TRHDE: variants seen among roughly 807,000 people sequenced by gnomAD.
TRHDE encodes the protein thyrotropin releasing hormone degrading enzyme.
TRHDE carries 72 observed loss-of-function variants against 125.7 expected under a neutral mutation model. That is an observed-to-expected ratio of 0.57 (90% CI 0.47 to 0.70). TRHDE has a LOEUF of 0.70. TRHDE is among the 30% of genes least tolerant of loss of function. TRHDE has a pLI of 0.00. For missense variants in TRHDE, 1,110 were observed against 1,327.1 expected (o/e 0.84, Z 2.54); for synonymous variants, 509 against 509.1 (o/e 1.00, Z 0.00).
chr12:72,130,970 C>A (rs1344912847), intron 2 of TRHDE, among the ~76,000 whole-genome samples: 1 of 151,408 alleles, frequency 6.6e-6, no homozygotes, highest in Non-Finnish European at 1.5e-5. Context: ...GAATTTAGGT[C>A]TTTTTCTACA....
Position 72,181,493 on chromosome 12 carries a change from A to T in TRHDE, n.279+75741A>T, listed in dbSNP as rs938489995. Reference sequence around the variant, plus strand: ...CTCACTTTTCTCTTTATAAATTACAAAGTTGCAAGCAACAATAATTTAAAT... The same window carrying T: ...CTCACTTTTCTCTTTATAAATTACATAGTTGCAAGCAACAATAATTTAAAT... On this transcript the variant is annotated intron_variant and non_coding_transcript_variant, in intron 2 of 4. Transcript: ENST00000548156. 3.7e-4 allele frequency among the ~76,000 whole-genome samples: 56 copies of T among 152,234 alleles called. 1 individual carries two copies. The highest frequency in any genetic ancestry group is 1.2e-3 in the African/African-American group (50 of 41,454).
At chr12:72,442,000 C>T (rs1178901245) in intron 3 of TRHDE, among the ~76,000 whole-genome samples, 1 of 151,736 alleles carries the variant, frequency 6.6e-6, no homozygotes, top group Non-Finnish European at 1.5e-5. Context: ...TTAACTGAAG[C>T]TACAAGTCTC....
At chr12:72,106,368 T>G (rs1477612402) in intron 2 of TRHDE, among the ~76,000 whole-genome samples, 1 of 151,962 alleles carries the variant, frequency 6.6e-6, no homozygotes, top group Non-Finnish European at 1.5e-5. Flanking sequence ...TGATTTTAGT[T>G]AAAGAAAAAG....
intron 2 of TRHDE, among the ~76,000 whole-genome samples, chr12:72,248,451 ATTCATATGTGTT>A (rs1012106764): frequency 2.7e-5 from 4 of 146,610 alleles, no homozygotes; most frequent in Non-Finnish European, 6.0e-5. Flanking sequence ...CGAAGTGCTT[ATTCATATGTGTT>A]TTCACATACA....
chr12:72,126,839 A>G (rs890313389), intron 2 of TRHDE, among the ~76,000 whole-genome samples: 12 of 152,184 alleles, frequency 7.9e-5, no homozygotes, highest in Non-Finnish European at 1.8e-4. Flanking sequence ...ATAACTGAAA[A>G]TTGACAAGTG....
chr12:72,402,877 A>G (rs1466339747), intron 3 of TRHDE, among the ~76,000 whole-genome samples: 2 of 152,134 alleles, frequency 1.3e-5, no homozygotes, highest in South Asian at 2.1e-4. Context: ...TGGAGGTGTG[A>G]GTGTCTTCAC....
In TRHDE at chr12:72,469,786, T is replaced by A; in HGVS notation, c.1344T>A (p.Tyr448Ter). ...LDLLAVPKHP[Y>*]AAMENWGLSI... ...TTTTAGCTGTGCCTAAGCATCCGTA[T>A]GCTGCTATGGAGAACTGGGGACTAA... Residue 448 changes from tyrosine (Y) to a stop codon, truncating the protein, a stop_gained, in exon 4 of 19, where the codon TAT (tyrosine) becomes TAA (stop). Transcript: ENST00000261180. LOFTEE classifies it high-confidence loss of function. 6.2e-7 allele frequency: 1 copy of A among 1,614,122 alleles called. No homozygotes were observed. The highest frequency in any genetic ancestry group is 8.5e-7 in the Non-Finnish European group (1 of 1,179,968).
chr12:72,207,982 G>A (rs1877702692), intron 2 of TRHDE, among the ~76,000 whole-genome samples: 1 of 152,096 alleles, frequency 6.6e-6, no homozygotes, highest in African/African-American at 2.4e-5. Flanking sequence ...CAGCACTGTC[G>A]CTGGTGCTGG....
intron 2 of TRHDE, among the ~76,000 whole-genome samples, chr12:72,372,110 T>G (rs902737097): frequency 1.3e-5 from 2 of 149,774 alleles, no homozygotes; most frequent in Non-Finnish European, 2.9e-5. Flanking sequence ...GGCATCTCAT[T>G]GTGGTTTTGA....
intron 5 of TRHDE, among the ~76,000 whole-genome samples, chr12:72,479,758 C>T (rs1208594664): frequency 6.7e-6 from 1 of 149,764 alleles, no homozygotes; most frequent in Non-Finnish European, 1.5e-5. Flanking sequence ...GTGTGCTGCA[C>T]CCATTAACTC....
intron 6 of TRHDE, among the ~76,000 whole-genome samples, chr12:72,504,883 G>A (rs1878297280): frequency 6.6e-6 from 1 of 152,086 alleles, no homozygotes; most frequent in African/African-American, 2.4e-5. Context: ...ATTAACCTCT[G>A]CCAACAGTCA....
intron 2 of TRHDE, among the ~76,000 whole-genome samples, chr12:72,215,417 G>A (rs893706067): frequency 6.6e-6 from 1 of 152,196 alleles, no homozygotes; most frequent in African/African-American, 2.4e-5. Flanking sequence ...GCAGGTCACA[G>A]GGGATGCGAT....
chr12:72,321,246 G>A (rs888813133), intron 2 of TRHDE, among the ~76,000 whole-genome samples: 1 of 152,184 alleles, frequency 6.6e-6, no homozygotes, highest in Non-Finnish European at 1.5e-5. Flanking sequence ...GATAACAGAA[G>A]GGGGCAAATG....
intron 6 of TRHDE, among the ~76,000 whole-genome samples, chr12:72,518,923 A>T (rs1315006219): frequency 6.6e-6 from 1 of 151,934 alleles, no homozygotes; most frequent in African/African-American, 2.4e-5. Flanking sequence ...TTGGCTGGAT[A>T]TGAAATTCTG....
chr12:72,091,331 G>T (rs560739512), intron 1 of TRHDE, among the ~76,000 whole-genome samples: 1 of 152,188 alleles, frequency 6.6e-6, no homozygotes, highest in Non-Finnish European at 1.5e-5. Flanking sequence ...ATTATCAGGG[G>T]TTTTATGGAC....
At position 72,530,883 on chromosome 12, in the gene TRHDE, C is replaced by A. The variant is rs564494865; in HGVS notation, c.1723-11408C>A. On this transcript the variant is annotated intron_variant, in intron 6 of 18. Coordinates refer to ENST00000261180, the MANE Select transcript of TRHDE (RefSeq NM_013381.3). ...TTGTTGTTTCTTTGTTTACTAACTGCCTCTTTTGTCTAGAATATAAACTGC... is the reference window on the plus strand; with the variant it reads ...TTGTTGTTTCTTTGTTTACTAACTGACTCTTTTGTCTAGAATATAAACTGC... Among the ~76,000 whole-genome samples the A allele has an allele frequency of 3.3e-5, 5 of 152,032 alleles. No individual in the cohort carries two copies. In the East Asian group the frequency reaches 9.7e-4, roughly 29 times the overall value.
chr12:72,370,103 A>G (rs966599458), intron 2 of TRHDE, among the ~76,000 whole-genome samples: 2 of 152,120 alleles, frequency 1.3e-5, no homozygotes, highest in Admixed American at 6.5e-5. Context: ...CACTTGTTCA[A>G]CTGGGTCTCA....
chr12:72,534,511 C>T (rs1369926317), intron 6 of TRHDE, among the ~76,000 whole-genome samples: 1 of 152,002 alleles, frequency 6.6e-6, no homozygotes, highest in Non-Finnish European at 1.5e-5. Context: ...AAGATATATG[C>T]TGAATTTCTT....
intron 15 of TRHDE, among the ~76,000 whole-genome samples, chr12:72,639,620 C>A (rs1315342954): frequency 6.6e-6 from 1 of 151,908 alleles, no homozygotes; most frequent in Non-Finnish European, 1.5e-5. Flanking sequence ...GTTTTTTCCC[C>A]ATCTTTGTGG....
Sources: allele counts gnomAD v4.1 joint callset (sites outside exome capture counted in the v4.1 genomes callset), GRCh38; gene constraint gnomAD v4.1.1; transcripts MANE v1.5; gene names NCBI Gene and HGNC (gene_info 2026-07-23, HGNC 2026-07-21).